TMPRSS15: variants seen among roughly 807,000 people sequenced by gnomAD.
TMPRSS15 encodes the protein transmembrane serine protease 15, also known as enteropeptidase.
TMPRSS15 carries 128 observed loss-of-function variants against 125.3 expected under a neutral mutation model. The ratio of observed to expected loss-of-function variants is 1.02; its 90% CI spans 0.89 to 1.18. The LOEUF is 1.18. Among genes scored for constraint, TMPRSS15 ranks in the 50% most tolerant of loss-of-function variants. The probability of loss-of-function intolerance (pLI) is 0.00; values close to 1 mark genes in which losing one functional copy is unlikely to be tolerated. For missense variants in TMPRSS15, 1,283 were observed against 1,212.7 expected (o/e 1.06, Z -0.86); for synonymous variants, 446 against 423.2 (o/e 1.05, Z -0.66).
intron 1 of TMPRSS15, among the ~76,000 whole-genome samples, chr21:18,473,862 A>G (rs1487844369): frequency 6.6e-6 from 1 of 152,154 alleles, no homozygotes; most frequent in Non-Finnish European, 1.5e-5. Context: ...TTTCTCATTA[A>G]TGAACAGGAA....
At chr21:18,368,936 G>A (rs1272746787) in intron 6 of TMPRSS15, among the ~76,000 whole-genome samples, 2 of 152,030 alleles carry the variant, frequency 1.3e-5, no homozygotes, top group Non-Finnish European at 2.9e-5. Context: ...TTAATTTCAG[G>A]ATGTTTCTGG....
chr21:18,484,412 C>G (rs954662053), intron 1 of TMPRSS15, among the ~76,000 whole-genome samples: 2 of 151,720 alleles, frequency 1.3e-5, no homozygotes, highest in African/African-American at 4.8e-5. Flanking sequence ...TGTTTAGTAG[C>G]ATAATTGTAG....
intron 7 of TMPRSS15, among the ~76,000 whole-genome samples, chr21:18,361,560 G>C (rs1370702413): frequency 6.6e-6 from 1 of 152,140 alleles, no homozygotes; most frequent in East Asian, 1.9e-4. Flanking sequence ...TTGGCTTTTA[G>C]GTTCACCACC....
intron 4 of TMPRSS15, chr21:18,380,588 G>A: frequency 2.1e-6 from 1 of 470,618 alleles, no homozygotes; most frequent in Non-Finnish European, 4.4e-6. Flanking sequence ...AAAGATGCTG[G>A]AATAACGTAA....
At chr21:18,455,840 G>T (rs1256362131) in intron 1 of TMPRSS15, among the ~76,000 whole-genome samples, 1 of 152,086 alleles carries the variant, frequency 6.6e-6, no homozygotes, top group Non-Finnish European at 1.5e-5. Flanking sequence ...TAACAATTGC[G>T]AGGATGAAAC....
At chr21:18,466,073 A>C (rs753259544) in intron 1 of TMPRSS15, among the ~76,000 whole-genome samples, 5 of 152,152 alleles carry the variant, frequency 3.3e-5, no homozygotes, top group African/African-American at 4.8e-5. Context: ...TATATAGACC[A>C]ATGGAACAGG....
rs181175799 is a variant in TMPRSS15 at position 18,311,198 on chromosome 21, A to C, written c.2165+1747T>G. 1.6e-3 allele frequency among the ~76,000 whole-genome samples: 239 copies of C among 152,212 alleles called. 1 individual carries two copies. The highest frequency in any genetic ancestry group is 5.5e-3 in the African/African-American group (229 of 41,552). On this transcript the variant is annotated intron_variant, in intron 18 of 24. Coordinates refer to ENST00000284885, the MANE Select transcript of TMPRSS15 (RefSeq NM_002772.3). Reference sequence around the variant, plus strand: ...GGACAAAGATGGCTTGAGTAAGCCCATAAAAGCACAGGCAACCAAAGCCAA... The same window carrying C: ...GGACAAAGATGGCTTGAGTAAGCCCCTAAAAGCACAGGCAACCAAAGCCAA...
At chr21:18,329,397 T>C in intron 14 of TMPRSS15, 103 bp from the exon 15 acceptor site, 1 of 1,219,652 alleles carries the variant, frequency 8.2e-7, no homozygotes, top group Non-Finnish European at 1.1e-6. Flanking sequence ...AAAATCAATT[T>C]TTTTTCCACT....
intron 18 of TMPRSS15, among the ~76,000 whole-genome samples, chr21:18,303,655 A>G (rs1482812623): frequency 6.6e-6 from 1 of 152,160 alleles, no homozygotes; most frequent in Non-Finnish European, 1.5e-5. Flanking sequence ...GATAAAGGAC[A>G]TTGTCTTGGG....
At chr21:18,348,866 T>C (rs1208154098) in intron 10 of TMPRSS15, among the ~76,000 whole-genome samples, 1 of 152,228 alleles carries the variant, frequency 6.6e-6, no homozygotes, top group Non-Finnish European at 1.5e-5. Flanking sequence ...TAGCACTTCC[T>C]ATGTGTCAGC....
intron 18 of TMPRSS15, among the ~76,000 whole-genome samples, chr21:18,304,205 C>T (rs997502396): frequency 1.6e-4 from 25 of 152,128 alleles, no homozygotes; most frequent in African/African-American, 5.8e-4. Flanking sequence ...TGGATTAAGT[C>T]AGATGATTCT....
chr21:18,358,667 G>T (rs537467081), intron 8 of TMPRSS15, among the ~76,000 whole-genome samples: 1 of 151,872 alleles, frequency 6.6e-6, no homozygotes, highest in East Asian at 1.9e-4. Context: ...TTTGATTTCT[G>T]CCTCCAACAC....
At chr21:18,334,037 A>G (rs1348305859) in intron 13 of TMPRSS15, among the ~76,000 whole-genome samples, 2 of 152,218 alleles carry the variant, frequency 1.3e-5, no homozygotes, top group African/African-American at 4.8e-5. Flanking sequence ...CCAATAAACT[A>G]GAAATCAGAT....
At chr21:18,438,430 A>T (rs1413165943) in intron 1 of TMPRSS15, among the ~76,000 whole-genome samples, 2 of 152,078 alleles carry the variant, frequency 1.3e-5, no homozygotes, top group African/African-American at 4.8e-5. Flanking sequence ...TACATATGTA[A>T]CTAACCTGCA....
chr21:18,417,090 T>C (rs886701849), intron 1 of TMPRSS15, among the ~76,000 whole-genome samples: 2 of 152,112 alleles, frequency 1.3e-5, no homozygotes, highest in African/African-American at 4.8e-5. Flanking sequence ...AAAAATCATG[T>C]CAATTGTAAC....
At chr21:18,354,779 G>A (rs1188825913) in intron 8 of TMPRSS15, among the ~76,000 whole-genome samples, 1 of 151,706 alleles carries the variant, frequency 6.6e-6, no homozygotes, top group Non-Finnish European at 1.5e-5. Flanking sequence ...AACAAACAAT[G>A]CATTAGCATT....
chr21:18,317,555 C>T (rs982879608), intron 16 of TMPRSS15, among the ~76,000 whole-genome samples: 1 of 151,982 alleles, frequency 6.6e-6, no homozygotes, highest in African/African-American at 2.4e-5. Flanking sequence ...CATCTAACTC[C>T]CTGGCCAAAA....
chr21:18,444,036 A>G (rs1181329292), intron 1 of TMPRSS15, among the ~76,000 whole-genome samples: 6 of 152,096 alleles, frequency 3.9e-5, no homozygotes, highest in Non-Finnish European at 1.5e-5. Flanking sequence ...TCTTATTGCT[A>G]GAAACATCCG....
At chr21:18,357,715 G>A (rs2075639538) in intron 8 of TMPRSS15, among the ~76,000 whole-genome samples, 1 of 151,588 alleles carries the variant, frequency 6.6e-6, no homozygotes, top group South Asian at 2.1e-4. Flanking sequence ...TACACTTATG[G>A]GAAATACTGC....
Sources: allele counts gnomAD v4.1 joint callset (sites outside exome capture counted in the v4.1 genomes callset), GRCh38; gene constraint gnomAD v4.1.1; transcripts MANE v1.5; gene names NCBI Gene and HGNC (gene_info 2026-07-23, HGNC 2026-07-21).